Variants in ANKFN1 observed in about 807,000 individuals in gnomAD.
ANKFN1 encodes the protein ankyrin repeat and fibronectin type III domain containing 1.
In ANKFN1, 74 loss-of-function variants were observed where a neutral mutation model predicts 108.7. That is an observed-to-expected ratio of 0.68 (90% CI 0.56 to 0.83). The LOEUF (loss-of-function observed/expected upper bound fraction) is 0.83, where lower values mean the gene tolerates loss of function less well. ANKFN1 is among the 40% of genes least tolerant of loss of function. ANKFN1 has a pLI of 0.00. For missense variants in ANKFN1, 1,505 were observed against 1,382.3 expected, an observed-to-expected ratio of 1.09 and a Z score of -1.41; for synonymous variants, 547 against 516.2, an observed-to-expected ratio of 1.06 and a Z score of -0.81.
chr17:56,338,513 G>C (rs1030742693), intron 4 of ANKFN1, among the ~76,000 whole-genome samples: 3 of 152,026 alleles, frequency 2.0e-5, no homozygotes, highest in African/African-American at 4.8e-5. Flanking sequence ...AGTGAAAATG[G>C]CTAATAAGGA....
chr17:56,450,025 A>T (rs2049430401), intron 11 of ANKFN1, among the ~76,000 whole-genome samples: 1 of 152,188 alleles, frequency 6.6e-6, no homozygotes, highest in Non-Finnish European at 1.5e-5. Flanking sequence ...AGAGGTACTT[A>T]GTTTTATTTG....
At chr17:56,482,631 T>A (rs2050748662) in intron 18 of ANKFN1, 107 bp downstream of exon 18, 2 of 1,365,620 alleles carry the variant, frequency 1.5e-6, no homozygotes, top group Admixed American at 2.2e-5. Context: ...ATAAATCACA[T>A]GATGGCTTTG....
chr17:56,324,141 G>A (rs1240622302), intron 3 of ANKFN1, among the ~76,000 whole-genome samples: 1 of 152,124 alleles, frequency 6.6e-6, no homozygotes, highest in Admixed American at 6.5e-5. Context: ...ATTCAAAATA[G>A]CTACAGCATG....
intron 3 of ANKFN1, among the ~76,000 whole-genome samples, chr17:56,325,767 T>A (rs1296629934): frequency 1.3e-5 from 2 of 152,206 alleles, no homozygotes; most frequent in Non-Finnish European, 2.9e-5. Context: ...AACAAGGCGG[T>A]GTCTGGCCCC....
chr17:56,174,200 G>C (rs921864168), intron 1 of ANKFN1: 13 of 985,464 alleles, frequency 1.3e-5, no homozygotes, highest in Non-Finnish European at 1.6e-5. Flanking sequence ...CACAGAGCCA[G>C]ATGCCTGCAG....
intron 1 of ANKFN1, 34 bp downstream of exon 1, chr17:56,153,564 G>T (rs1474579906): frequency 1.2e-6 from 2 of 1,612,392 alleles, no homozygotes; most frequent in South Asian, 1.1e-5. Context: ...ATCGGTAATT[G>T]GTGTTTGGAG....
chr17:56,252,054 T>C (rs1177752713), intron 3 of ANKFN1, among the ~76,000 whole-genome samples: 1 of 152,254 alleles, frequency 6.6e-6, no homozygotes, highest in Admixed American at 6.5e-5. Flanking sequence ...TTACAGACTC[T>C]GGCTTAACCA....
At chr17:56,510,369 A>ACAGG in intron 20 of ANKFN1, 104 bp from the exon 21 acceptor site, 1 of 980,394 alleles carries the variant, frequency 1.0e-6, no homozygotes. Flanking sequence ...TAAACGAAGC[A>ACAGG]CAGGCCCCTT....
intron 1 of ANKFN1, among the ~76,000 whole-genome samples, chr17:56,192,588 G>A (rs1369523139): frequency 3.3e-4 from 4 of 12,148 alleles, no homozygotes; most frequent in South Asian, 1.7e-3. Context: ...AAAAGTGGGC[G>A]AAGGACATGA....
chr17:56,116,718 C>T lies in ANKFN1; in HGVS notation c.288+70393C>T, dbSNP rs117203410. On this transcript the variant is annotated intron_variant, in intron 4 of 12. Transcript: ENST00000635860. ...CTGCAGAACCTTGAGCCAAATAAAC[C>T]TCTTTTCTTTATAAATTACCCAGTC... Among the ~76,000 whole-genome samples, 98 of 152,266 alleles carry T rather than the reference C, an allele frequency of 6.4e-4. 4 individuals are homozygous for T. In the East Asian group the frequency reaches 0.018, roughly 27 times the overall value.
chr17:56,404,724 T>C (rs11869569), intron 8 of ANKFN1, among the ~76,000 whole-genome samples: 85,017 of 151,988 alleles, frequency 0.56, 28,046 homozygotes, highest in East Asian at 0.96. Flanking sequence ...TTGGGGGGTA[T>C]GGAAGAGCCT....
chr17:56,098,868 CAT>C (rs1491582524), intron 4 of ANKFN1, among the ~76,000 whole-genome samples: 246 of 87,282 alleles, frequency 2.8e-3, no homozygotes, highest in African/African-American at 0.013. Flanking sequence ...TGCGTGTGTG[CAT>C]GTGTGTGTGT....
chr17:56,243,258 T>C (rs1917720170), intron 3 of ANKFN1, among the ~76,000 whole-genome samples: 1 of 152,128 alleles, frequency 6.6e-6, no homozygotes, highest in African/African-American at 2.4e-5. Flanking sequence ...TCACTCTCCT[T>C]AGCCCTCCTT....
intron 13 of ANKFN1, 100 bp from the exon 14 acceptor site, chr17:56,457,763 A>T (rs2049759207): frequency 4.7e-6 from 4 of 854,188 alleles, no homozygotes; most frequent in Admixed American, 1.9e-5. Flanking sequence ...GAGAATAAAC[A>T]TCAGGGGTCA....
chr17:56,407,553 T>G (rs2047957868), intron 8 of ANKFN1, among the ~76,000 whole-genome samples: 1 of 152,206 alleles, frequency 6.6e-6, no homozygotes, highest in South Asian at 2.1e-4. Context: ...ATTCAGGCTT[T>G]TATTGTTCTG....
intron 4 of ANKFN1, among the ~76,000 whole-genome samples, chr17:56,091,575 A>G (rs766700700): frequency 2.0e-5 from 3 of 151,334 alleles, no homozygotes; most frequent in Non-Finnish European, 4.4e-5. Flanking sequence ...TTGAAAAACT[A>G]TTTCCACTTA....
intron 4 of ANKFN1, among the ~76,000 whole-genome samples, chr17:56,112,398 G>T (rs934570311): frequency 1.3e-5 from 2 of 151,796 alleles, no homozygotes; most frequent in Non-Finnish European, 2.9e-5. Context: ...TCCAGACTCT[G>T]GTCTTTTCTT....
intron 4 of ANKFN1, among the ~76,000 whole-genome samples, chr17:56,134,650 TG>T (rs1907490826): frequency 6.6e-6 from 1 of 152,140 alleles, no homozygotes; most frequent in African/African-American, 2.4e-5. Context: ...TGCCAGAAAC[TG>T]GGGGCAATAC....
At chr17:56,458,625 C>G (rs2049795254) in intron 14 of ANKFN1, among the ~76,000 whole-genome samples, 1 of 152,068 alleles carries the variant, frequency 6.6e-6, no homozygotes, top group Non-Finnish European at 1.5e-5. Flanking sequence ...AAATTCTAAC[C>G]AAGATTTTCT....
Sources: allele counts gnomAD v4.1 joint callset (sites outside exome capture counted in the v4.1 genomes callset), GRCh38; gene constraint gnomAD v4.1.1; transcripts MANE v1.5; gene names NCBI Gene and HGNC (gene_info 2026-07-23, HGNC 2026-07-21).